NCAM2: variants seen among roughly 807,000 people sequenced by gnomAD.
NCAM2 encodes neural cell adhesion molecule 2, also known as N-CAM-2.
Under a neutral mutation model 98.1 loss-of-function variants are expected in NCAM2, and 30 were observed. The ratio of observed to expected loss-of-function variants is 0.31; its 90% CI spans 0.23 to 0.41. The LOEUF (loss-of-function observed/expected upper bound fraction) is 0.41. Ranked by LOEUF, NCAM2 falls within the 10% of genes least tolerant of loss-of-function variation. The pLI is 1.00. For synonymous variants in NCAM2, 368 were observed against 342.4 expected (o/e 1.07, Z -0.83); for missense variants, 867 against 1,005.8 (o/e 0.86, Z 1.87).
In NCAM2 at chr21:21,221,250, A is replaced by G. The variant is rs530175003; in HGVS notation, c.56-59328A>G. Among the ~76,000 whole-genome samples, 22 of 152,190 alleles carry G rather than the reference A, an allele frequency of 1.4e-4. No individual in the cohort carries two copies. In the East Asian group the frequency reaches 4.1e-3, roughly 28 times the overall value. On this transcript the variant is annotated intron_variant, in intron 1 of 17. Transcript: ENST00000400546. Reference sequence around the variant, plus strand: ...CTCCCCTATTCTCCAACACATAATAATATTGAAATTTGGTCAATTACCACC... The same window carrying G: ...CTCCCCTATTCTCCAACACATAATAGTATTGAAATTTGGTCAATTACCACC...
chr21:21,166,126 G>A (rs1242705860), intron 1 of NCAM2, among the ~76,000 whole-genome samples: 2 of 152,200 alleles, frequency 1.3e-5, no homozygotes, highest in South Asian at 2.1e-4. Flanking sequence ...GAACACATTG[G>A]CATTTAGGGC....
At chr21:21,145,878 G>A (rs1025212356) in intron 1 of NCAM2, among the ~76,000 whole-genome samples, 5 of 152,096 alleles carry the variant, frequency 3.3e-5, no homozygotes, top group African/African-American at 4.8e-5. Flanking sequence ...CAATACTACT[G>A]TACTTAAGGA....
At chr21:21,401,665 A>G (rs1450896417) in intron 9 of NCAM2, among the ~76,000 whole-genome samples, 1 of 152,078 alleles carries the variant, frequency 6.6e-6, no homozygotes, top group Non-Finnish European at 1.5e-5. Flanking sequence ...TTTTGTATAT[A>G]TACTATGTGT....
At chr21:21,149,889 T>A (rs1467518691) in intron 1 of NCAM2, among the ~76,000 whole-genome samples, 2 of 152,200 alleles carry the variant, frequency 1.3e-5, no homozygotes, top group Admixed American at 1.3e-4. Flanking sequence ...TGTGCCTGTT[T>A]CTTTATAGTA....
At chr21:21,430,274 C>T (rs1178652180) in intron 11 of NCAM2, among the ~76,000 whole-genome samples, 2 of 151,732 alleles carry the variant, frequency 1.3e-5, no homozygotes, top group African/African-American at 4.8e-5. Flanking sequence ...GTAATCCGCC[C>T]ACCTCAGCTT....
chr21:21,489,215 G>A (rs905685321), intron 15 of NCAM2, among the ~76,000 whole-genome samples: 43 of 152,036 alleles, frequency 2.8e-4, no homozygotes, highest in African/African-American at 8.0e-4. Flanking sequence ...GGCTGGTCTC[G>A]AACTCCTGAA....
At chr21:21,241,319 C>G (rs919320448) in intron 1 of NCAM2, among the ~76,000 whole-genome samples, 3 of 115,660 alleles carry the variant, frequency 2.6e-5, no homozygotes, top group Non-Finnish European at 5.2e-5. Flanking sequence ...TGAAAAAATC[C>G]TTGTCTAAAT....
chr21:21,146,551 A>G (rs1235902306), intron 1 of NCAM2, among the ~76,000 whole-genome samples: 1 of 94,594 alleles, frequency 1.1e-5, no homozygotes, highest in Non-Finnish European at 2.4e-5. Flanking sequence ...TACAGGATAT[A>G]TATATGTATA....
intron 1 of NCAM2, among the ~76,000 whole-genome samples, chr21:21,201,736 G>T (rs561493778): frequency 6.6e-6 from 1 of 152,124 alleles, no homozygotes; most frequent in Admixed American, 6.5e-5. Context: ...CTAGCTGCAC[G>T]ATTGAATCCT....
chr21:21,271,466 C>T (rs1229655367), intron 1 of NCAM2, among the ~76,000 whole-genome samples: 1 of 152,120 alleles, frequency 6.6e-6, no homozygotes, highest in Non-Finnish European at 1.5e-5. Context: ...TTAAATAGCA[C>T]TAAATTATTT....
At chr21:21,131,701 C>CTA (rs946830952) in intron 1 of NCAM2, among the ~76,000 whole-genome samples, 4 of 152,212 alleles carry the variant, frequency 2.6e-5, no homozygotes, top group East Asian at 1.9e-4. Flanking sequence ...TTATATATAG[C>CTA]TATATATATG....
At chr21:21,142,972 A>G (rs2146662441) in intron 1 of NCAM2, among the ~76,000 whole-genome samples, 1 of 152,316 alleles carries the variant, frequency 6.6e-6, no homozygotes, top group African/African-American at 2.4e-5. Flanking sequence ...TATCTTATAG[A>G]ATGTCACAAT....
At chr21:21,464,264 G>T (rs566962402) in intron 12 of NCAM2, among the ~76,000 whole-genome samples, 3 of 151,934 alleles carry the variant, frequency 2.0e-5, no homozygotes, top group African/African-American at 7.2e-5. Context: ...ATAAAAGGGC[G>T]TTTATTCTTC....
chr21:21,462,034 GTTT>G (rs1203408828), intron 12 of NCAM2, among the ~76,000 whole-genome samples: 1 of 151,964 alleles, frequency 6.6e-6, no homozygotes, highest in Non-Finnish European at 1.5e-5. Flanking sequence ...ACCTGCTTTT[GTTT>G]CTTTTAATTG....
intron 5 of NCAM2, among the ~76,000 whole-genome samples, chr21:21,323,011 A>G (rs1416796123): frequency 6.6e-6 from 1 of 152,164 alleles, no homozygotes; most frequent in Non-Finnish European, 1.5e-5. Flanking sequence ...TAACACATAC[A>G]GAATACAAAT....
chr21:21,277,118 A>G (rs892389596), intron 1 of NCAM2, among the ~76,000 whole-genome samples: 1 of 152,116 alleles, frequency 6.6e-6, no homozygotes, highest in African/African-American at 2.4e-5. Context: ...AATAATTCAC[A>G]CACATTTCTT....
intron 1 of NCAM2, among the ~76,000 whole-genome samples, chr21:21,170,133 G>A (rs1008644528): frequency 6.6e-5 from 10 of 152,154 alleles, no homozygotes; most frequent in African/African-American, 2.4e-4. Flanking sequence ...GGAACAAGAT[G>A]AACATTCATT....
chr21:21,529,680 T>C (rs1239293551), intron 16 of NCAM2, among the ~76,000 whole-genome samples: 1 of 151,942 alleles, frequency 6.6e-6, no homozygotes, highest in Non-Finnish European at 1.5e-5. Flanking sequence ...ATATCACCTC[T>C]CATGATATAC....
intron 1 of NCAM2, among the ~76,000 whole-genome samples, chr21:21,165,860 G>T (rs1169514429): frequency 1.3e-5 from 2 of 152,230 alleles, no homozygotes; most frequent in East Asian, 1.9e-4. Context: ...TTATCTCTGG[G>T]TTATAAGTCA....
Sources: allele counts gnomAD v4.1 joint callset (sites outside exome capture counted in the v4.1 genomes callset), GRCh38; gene constraint gnomAD v4.1.1; transcripts MANE v1.5; gene names NCBI Gene and HGNC (gene_info 2026-07-23, HGNC 2026-07-21).